Variants in TGFBR1 observed in about 807,000 individuals in gnomAD.
TGFBR1 encodes the protein transforming growth factor beta receptor 1, also known as TGF-beta receptor type-1.
Under a neutral mutation model 55.1 loss-of-function variants are expected in TGFBR1, and 20 were observed. The ratio of observed to expected loss-of-function variants is 0.36; its 90% confidence interval spans 0.26 to 0.53. The LOEUF is 0.53. Among genes scored for constraint, TGFBR1 ranks in the 20% least tolerant of loss-of-function variants. The pLI, the probability that TGFBR1 is intolerant of heterozygous loss-of-function variation, is 0.91. For missense variants in TGFBR1, 385 were observed against 617.6 expected, an observed-to-expected ratio of 0.62 and a Z score of 3.99; for synonymous variants, 220 against 214.8, an observed-to-expected ratio of 1.02 and a Z score of -0.21.
chr9:99,117,668 T>C (rs1396205200), intron 1 of TGFBR1, among the ~76,000 whole-genome samples: 4 of 152,164 alleles, frequency 2.6e-5, no homozygotes, highest in Non-Finnish European at 5.9e-5. Context: ...TATGTGAGGG[T>C]CTGTTTCTCT....
Position 99,142,720 on chromosome 9 carries a change from T to A in TGFBR1, c.973+17T>A, listed in dbSNP as rs202171496. 4 of 1,613,556 alleles carry A rather than the reference T, an allele frequency of 2.5e-6. No individual in the cohort carries two copies. The highest frequency in any genetic ancestry group is 3.4e-6 in the Non-Finnish European group (4 of 1,179,564). On this transcript the variant is annotated intron_variant, in intron 5 of 8. Transcript: ENST00000374994. ...GTACCCAAGGTAATTCTATAAGCAG[T>A]TCTATTATTTAAGCTTTAAATTTTC...
In TGFBR1 at chr9:99,147,669, A is replaced by T; in HGVS notation, c.1271A>T (p.Tyr424Phe). 1 of 1,613,444 alleles carries T rather than the reference A, an allele frequency of 6.2e-7. No individual in the cohort carries two copies. Among genetic ancestry groups the T allele is most frequent in the Non-Finnish European group, 8.5e-7 (1 of 1,179,602 alleles). Reference protein sequence around the residue: ...RCSIGGIHEDYQLPYYDLVPS... With the variant: ...RCSIGGIHEDFQLPYYDLVPS... ...ACTGATACAGGAATTCATGAAGATT[A>T]CCAACTGCCTTATTATGATCTTGTA... The change falls in exon 8 of 9, where the codon TAC becomes TTC. Residue 424 changes from tyrosine to phenylalanine, a missense_variant. This residue lies in a region of TGFBR1 where 110 missense variants were observed against 154.6 expected (regional missense o/e 0.71). Transcript: ENST00000374994.
chr9:99,123,955 C>T (rs1015414592), intron 1 of TGFBR1, among the ~76,000 whole-genome samples: 3 of 152,060 alleles, frequency 2.0e-5, no homozygotes, highest in Admixed American at 1.3e-4. Flanking sequence ...TGAAATAGGT[C>T]AGAGAGGTAT....
At chr9:99,110,150 A>G (rs1826521167) in intron 1 of TGFBR1, among the ~76,000 whole-genome samples, 1 of 152,130 alleles carries the variant, frequency 6.6e-6, no homozygotes, top group Non-Finnish European at 1.5e-5. Flanking sequence ...TAGTGGACTA[A>G]GTTCAGTTGG....
intron 6 of TGFBR1, among the ~76,000 whole-genome samples, chr9:99,145,688 T>G (rs1397051900): frequency 6.6e-6 from 1 of 152,140 alleles, no homozygotes; most frequent in African/African-American, 2.4e-5. Context: ...CAGCTTCATG[T>G]GGATGATAAG....
At position 99,150,516 on chromosome 9, in the gene TGFBR1, CAG is replaced by C. The variant is rs1827952643; in HGVS notation, c.*1213_*1214del. On this transcript the variant is annotated 3_prime_UTR_variant, in exon 9 of 9. Transcript: ENST00000374994. ...GGTAGTTAATAATTTGAATAGATAA[CAG>C]ATGTGCAAGAAAGTCACATTTGTTA... 4.7e-6 allele frequency: 1 copy of C among 214,206 alleles called. No individual in the cohort carries two copies. Among genetic ancestry groups the C allele is most frequent in the African/African-American group, 2.3e-5 (1 of 44,344 alleles). 13.3% of individuals were successfully genotyped at this position (214,206 alleles called of 1,614,324 possible).
chr9:99,139,641 A>G (rs1004760017), intron 4 of TGFBR1, among the ~76,000 whole-genome samples: 5 of 152,226 alleles, frequency 3.3e-5, no homozygotes, highest in Non-Finnish European at 7.3e-5. Flanking sequence ...TGATGAGGAA[A>G]TGTTTTTATG....
intron 2 of TGFBR1, among the ~76,000 whole-genome samples, 170 bp from the exon 3 acceptor site, chr9:99,132,339 T>A (rs893806650): frequency 6.6e-6 from 1 of 152,150 alleles, no homozygotes; most frequent in African/African-American, 2.4e-5. Flanking sequence ...GGGAGAAGAC[T>A]GATTCACTTG....
At chr9:99,105,876 CT>C (rs1005209112) in intron 1 of TGFBR1, among the ~76,000 whole-genome samples, 6 of 152,218 alleles carry the variant, frequency 3.9e-5, no homozygotes, top group African/African-American at 1.4e-4. Context: ...GGTGAGACCC[CT>C]GGGTCCGCAG....
At chr9:99,140,299 A>G (rs1253572537) in intron 4 of TGFBR1, among the ~76,000 whole-genome samples, 2 of 152,098 alleles carry the variant, frequency 1.3e-5, no homozygotes, top group Non-Finnish European at 2.9e-5. Flanking sequence ...CTAAAAATAC[A>G]AAAAAATTAG....
At chr9:99,105,972 A>G (rs11568748) in intron 1 of TGFBR1, among the ~76,000 whole-genome samples, 188 of 152,368 alleles carry the variant, frequency 1.2e-3, no homozygotes, top group African/African-American at 4.2e-3. Context: ...TTGTGTGAGA[A>G]GAAGGAAGCG....
intron 3 of TGFBR1, 148 bp downstream of exon 3, chr9:99,132,887 T>G (rs767097640): frequency 1.6e-4 from 176 of 1,129,136 alleles, no homozygotes; most frequent in Non-Finnish European, 2.0e-4. Context: ...ATCTTTAAGC[T>G]TGATGTATAT....
rs1827963918 is a variant in TGFBR1 at position 99,150,960 on chromosome 9, G to C, written c.*1655G>C. On this transcript the variant is annotated 3_prime_UTR_variant, in exon 9 of 9. Coordinates refer to ENST00000374994, the MANE Select transcript of TGFBR1 (RefSeq NM_004612.4). ...TCTGAGGGGAGAAAAAACTATCATA[G>C]CTCTGAGGCAAGACTTCGACTTTAT... is the stretch of plus-strand genomic sequence containing the variant. The C allele has an allele frequency of 4.4e-6, 1 of 226,300 alleles. No individual in the cohort carries two copies. The highest frequency in any genetic ancestry group is 1.8e-4 in the South Asian group (1 of 5,462). 14.0% of individuals were successfully genotyped at this position (226,300 alleles called of 1,614,324 possible). A position where few individuals can be genotyped will look rare whatever the true frequency, so the allele number is the denominator to read the frequency against.
At chr9:99,144,381 G>A (rs957988079) in intron 5 of TGFBR1, among the ~76,000 whole-genome samples, 1 of 152,154 alleles carries the variant, frequency 6.6e-6, no homozygotes, top group Non-Finnish European at 1.5e-5. Flanking sequence ...GGGAAGTGAT[G>A]TTCTACATGC....
intron 5 of TGFBR1, 88 bp from the exon 6 acceptor site, chr9:99,144,644 G>A (rs1005507926): frequency 1.3e-6 from 2 of 1,512,948 alleles, no homozygotes; most frequent in South Asian, 1.1e-5. Flanking sequence ...GATAATTTGG[G>A]TTGGGAGAAG....
Position 99,153,858 on chromosome 9 carries a change from C to T in TGFBR1, c.*4553C>T, listed in dbSNP as rs1007123338. The T allele has an allele frequency of 9.4e-6, 2 of 211,934 alleles. No homozygotes were observed. The highest frequency in any genetic ancestry group is 4.5e-5 in the African/African-American group (2 of 44,154). The allele number at this position is 211,934 out of a possible 1,614,324, so 13.1% of individuals were successfully genotyped here. A position where few individuals can be genotyped will look rare whatever the true frequency, so the allele number is the denominator to read the frequency against. ...CTCTGTGCCTGGGGGCTTTTCTCCA[C>T]ATGCTTAGGGGTGTGGGTCTTCCAT... On this transcript the variant is annotated 3_prime_UTR_variant, in exon 9 of 9. Coordinates refer to ENST00000374994, the MANE Select transcript of TGFBR1 (RefSeq NM_004612.4).
chr9:99,117,795 T>TG (rs775692251), intron 1 of TGFBR1, among the ~76,000 whole-genome samples: 2 of 152,212 alleles, frequency 1.3e-5, no homozygotes, highest in African/African-American at 2.4e-5. Flanking sequence ...ATTGCTTTGG[T>TG]TATTCTTGCG....
intron 1 of TGFBR1, among the ~76,000 whole-genome samples, chr9:99,110,182 A>T (rs536926746): frequency 1.3e-5 from 2 of 152,198 alleles, no homozygotes; most frequent in African/African-American, 4.8e-5. Flanking sequence ...AATTTTATAG[A>T]TCAGATCAAG....
At chr9:99,114,805 T>C (rs1046556838) in intron 1 of TGFBR1, among the ~76,000 whole-genome samples, 2 of 152,224 alleles carry the variant, frequency 1.3e-5, no homozygotes, top group Non-Finnish European at 2.9e-5. Flanking sequence ...AGAGTACTGC[T>C]ACCAAAGGCA....
Sources: gnomAD v4.1 joint callset for allele counts (sites outside exome capture counted in the v4.1 genomes callset) on GRCh38, gnomAD v4.1.1 for gene constraint, gnomAD v4.1.1 regional missense constraint, MANE v1.5 for transcripts, NCBI Gene and HGNC (gene_info 2026-07-23, HGNC 2026-07-21) for gene names.